Variants in AFF3 observed in about 807,000 individuals in gnomAD.
The protein encoded by AFF3 is AF4/FMR2 family member 3.
Under a neutral mutation model 129.7 loss-of-function variants are expected in AFF3, and 32 were observed. That is an observed-to-expected ratio of 0.25 (90% CI 0.19 to 0.33). The LOEUF is 0.33. Ranked by LOEUF, AFF3 falls within the 10% of genes least tolerant of loss-of-function variation. The pLI is 1.00. For missense variants in AFF3, 1,373 were observed against 1,592.0 expected (o/e 0.86, Z 2.34); for synonymous variants, 644 against 635.4 (o/e 1.01, Z -0.20).
chr2:99,948,018 A>G (rs1559000908), intron 7 of AFF3, among the ~76,000 whole-genome samples: 1 of 152,136 alleles, frequency 6.6e-6, no homozygotes, highest in Non-Finnish European at 1.5e-5. Context: ...AAAGCACTGA[A>G]TGCTTTTAAG....
intron 7 of AFF3, among the ~76,000 whole-genome samples, chr2:99,863,172 T>C (rs1224408979): frequency 6.6e-6 from 1 of 152,270 alleles, no homozygotes; most frequent in Non-Finnish European, 1.5e-5. Flanking sequence ...AAGAAAAGCG[T>C]AAGCTTTTTT....
At chr2:99,991,001 A>G (rs1284196741) in intron 7 of AFF3, among the ~76,000 whole-genome samples, 1 of 152,156 alleles carries the variant, frequency 6.6e-6, no homozygotes, top group African/African-American at 2.4e-5. Flanking sequence ...CCAGAACCAC[A>G]GGCTCAAATG....
At chr2:99,660,372 T>C (rs889123583) in intron 12 of AFF3, among the ~76,000 whole-genome samples, 1 of 152,254 alleles carries the variant, frequency 6.6e-6, no homozygotes, top group African/African-American at 2.4e-5. Flanking sequence ...CTTTTTTTAC[T>C]TAGGCAAAAT....
Position 100,017,660 on chromosome 2 carries a change from T to C in AFF3, c.54-8728A>G, listed in dbSNP as rs546387080. 1.2e-4 allele frequency among the ~76,000 whole-genome samples: 18 copies of C among 152,346 alleles called. No homozygotes were observed. The South Asian group carries it at 2.1e-3, about 18-fold the overall frequency. On this transcript the variant is annotated intron_variant, in intron 4 of 24. Transcript: ENST00000672756. ...GGCCCATCTGGCCCATGTTAAATGT[T>C]GCTAGTAACAACTACTCTACATGGA...
chr2:99,845,390 G>A (rs1689645796), intron 7 of AFF3, among the ~76,000 whole-genome samples: 1 of 152,180 alleles, frequency 6.6e-6, no homozygotes. Context: ...AAAGTTAAGT[G>A]GTCTGTCAGT....
Position 99,585,558 on chromosome 2 carries a change from C to G in AFF3, c.2591+1596G>C, listed in dbSNP as rs1678020110. ...AGCAAGAGTTTTTTAACCTGGGGTC[C>G]AATAACTTGAATAGAGAAGTGACCT... On this transcript the variant is annotated intron_variant, in intron 16 of 24. Coordinates refer to ENST00000672756, the MANE Select transcript of AFF3 (RefSeq NM_001386135.1). Among the ~76,000 whole-genome samples, 3 of 152,238 alleles carry G rather than the reference C, an allele frequency of 2.0e-5. 1 individual carries two copies. In the South Asian group the frequency reaches 6.2e-4, roughly 32 times the overall value.
chr2:99,787,194 C>T (rs1255752505), intron 8 of AFF3, among the ~76,000 whole-genome samples: 1 of 152,086 alleles, frequency 6.6e-6, no homozygotes, highest in Non-Finnish European at 1.5e-5. Flanking sequence ...TGGCTCACAC[C>T]CCACTCACTC....
chr2:99,754,915 AAGTT>A (rs1421286047), intron 8 of AFF3, among the ~76,000 whole-genome samples: 3 of 152,194 alleles, frequency 2.0e-5, no homozygotes, highest in African/African-American at 7.2e-5. Context: ...CTGAATTTGA[AAGTT>A]AGGGTATCGG....
Position 100,006,717 on chromosome 2 carries a change from G to C in AFF3, c.788C>G (p.Ser263Ter). Residue 263 changes from serine to a stop codon, truncating the protein, a stop_gained, in exon 7 of 25, where the codon TCA (serine) becomes TGA (stop). Transcript: ENST00000672756. LOFTEE classifies it high-confidence loss of function. ...SSSETSVHCT[S>*]YRGVPASKPE... Reference sequence around the variant, plus strand: ...CTTGCTGGCAGGGACTCCCCTGTATGATGTGCAGTGCACGCTGGTTTCCGA... The same window carrying C: ...CTTGCTGGCAGGGACTCCCCTGTATCATGTGCAGTGCACGCTGGTTTCCGA... The C allele has an allele frequency of 6.2e-7, 1 of 1,614,250 alleles. No homozygotes were observed. Among genetic ancestry groups the C allele is most frequent in the Non-Finnish European group, 8.5e-7 (1 of 1,180,042 alleles).
At chr2:100,100,744 C>T (rs1479572322) in intron 4 of AFF3, among the ~76,000 whole-genome samples, 2 of 152,164 alleles carry the variant, frequency 1.3e-5, no homozygotes, top group African/African-American at 2.4e-5. Context: ...ATTTGTTAAA[C>T]GAATTAAATG....
intron 14 of AFF3, 26 bp downstream of exon 14, chr2:99,601,409 A>G: frequency 6.4e-7 from 1 of 1,567,534 alleles, no homozygotes. Context: ...TGGGCAGAGG[A>G]GAGGCCTGAG....
At chr2:99,746,863 T>G (rs114993059) in intron 9 of AFF3, among the ~76,000 whole-genome samples, 1 of 151,698 alleles carries the variant, frequency 6.6e-6, no homozygotes, top group African/African-American at 2.4e-5. Flanking sequence ...ATCTGGGCCA[T>G]TTGGTGGCAT....
At chr2:100,007,560 C>A in intron 5 of AFF3, 100 bp from the exon 6 acceptor site, 4 of 1,097,536 alleles carry the variant, frequency 3.6e-6, no homozygotes, top group Non-Finnish European at 5.3e-6. Flanking sequence ...AGGGTTGTCA[C>A]ATGCAGAATG....
chr2:99,674,479 T>A (rs185500974), intron 11 of AFF3, among the ~76,000 whole-genome samples: 19 of 152,288 alleles, frequency 1.2e-4, no homozygotes, highest in Admixed American at 1.2e-3. Flanking sequence ...GATTTCTTCC[T>A]AATGAAAAAG....
chr2:99,660,188 G>A (rs1686106006), intron 12 of AFF3, among the ~76,000 whole-genome samples: 2 of 152,210 alleles, frequency 1.3e-5, no homozygotes, highest in South Asian at 4.1e-4. Context: ...GGCCTTGGCA[G>A]GTGGTTGAGT....
rs575743248 is a variant in AFF3, at chr2:100,064,335, G to C, written c.53+40067C>G. The stretch of plus-strand genomic sequence containing the variant: ...CTCAATGAGAAAGAGTAGCTGGAGC[G>C]GGTGGGGAGAGTATCAATATGACAC... On this transcript the variant is annotated intron_variant, in intron 4 of 24. Transcript: ENST00000672756. Among the ~76,000 whole-genome samples, 29 of 152,222 alleles carry C rather than the reference G, an allele frequency of 1.9e-4. No individual in the cohort carries two copies. In the South Asian group the frequency reaches 2.3e-3, roughly 12 times the overall value.
intron 8 of AFF3, among the ~76,000 whole-genome samples, chr2:99,829,890 T>C (rs1160178049): frequency 6.6e-6 from 1 of 152,172 alleles, no homozygotes; most frequent in Non-Finnish European, 1.5e-5. Flanking sequence ...CAAATGCTCA[T>C]CAATGATAGA....
intron 8 of AFF3, among the ~76,000 whole-genome samples, chr2:99,828,018 A>G (rs1384941447): frequency 6.6e-6 from 1 of 152,118 alleles, no homozygotes; most frequent in Admixed American, 6.5e-5. Context: ...GCAAGCAGGG[A>G]TGGTCTAAGC....
At chr2:99,584,457 A>C (rs1364979452) in intron 16 of AFF3, among the ~76,000 whole-genome samples, 2 of 152,244 alleles carry the variant, frequency 1.3e-5, no homozygotes, top group African/African-American at 4.8e-5. Context: ...CGACAGAATA[A>C]GACTCCGTCT....
Sources: allele counts gnomAD v4.1 joint callset (sites outside exome capture counted in the v4.1 genomes callset), GRCh38; gene constraint gnomAD v4.1.1; transcripts MANE v1.5; gene names NCBI Gene and HGNC (gene_info 2026-07-23, HGNC 2026-07-21).